ALMS1: variants seen among roughly 807,000 people sequenced by gnomAD.
The protein encoded by ALMS1 is ALMS1 centrosome and basal body associated protein, also known as centrosome-associated protein ALMS1.
ALMS1 carries 271 observed loss-of-function variants against 352.2 expected under a neutral mutation model. The ratio of observed to expected loss-of-function variants is 0.77; its 90% CI spans 0.70 to 0.85. The LOEUF (loss-of-function observed/expected upper bound fraction) is 0.85. ALMS1 is among the 40% of genes least tolerant of loss of function. ALMS1 has a pLI of 0.00. For synonymous variants in ALMS1, 1,865 were observed against 1,761.2 expected (o/e 1.06, Z -1.48); for missense variants, 5,445 against 4,870.7 (o/e 1.12, Z -3.51).
In ALMS1 at chr2:73,572,361, A is replaced by G. The variant is rs747283626; in HGVS notation, c.10484A>G (p.Asp3495Gly). ...CCCGTACACCTACCAAGTGATCAAG[A>G]TATTTGCCATGAATCTTTGGGAAAG... ...HHPVHLPSDQ[D>G]ICHESLGKSV... The change falls in exon 16 of 23, where the codon GAT becomes GGT. Residue 3495 changes from aspartate to glycine, a missense_variant. Coordinates refer to ENST00000613296, the MANE Select transcript of ALMS1 (RefSeq NM_001378454.1). The G allele has an allele frequency of 1.2e-6, 2 of 1,609,192 alleles. No homozygotes were observed. The highest frequency in any genetic ancestry group is 3.4e-5 in the Admixed American group (2 of 59,352).
chr2:73,400,551 G>A (rs144736016), intron 1 of ALMS1, among the ~76,000 whole-genome samples: 21 of 152,314 alleles, frequency 1.4e-4, no homozygotes, highest in Admixed American at 1.4e-3. Context: ...AGCATTACCA[G>A]TGAACCTGTC....
intron 7 of ALMS1, among the ~76,000 whole-genome samples, chr2:73,445,150 C>T (rs1430909033): frequency 1.3e-5 from 2 of 151,920 alleles, no homozygotes; most frequent in African/African-American, 2.4e-5. Context: ...TTATGGGGTA[C>T]ATGAGATATT....
intron 12 of ALMS1, among the ~76,000 whole-genome samples, chr2:73,547,636 G>A (rs576348525): frequency 3.3e-5 from 5 of 152,246 alleles, no homozygotes; most frequent in Non-Finnish European, 7.4e-5. Context: ...AGATAGGTGG[G>A]TTCAAGATCA....
chr2:73,460,422 A>G (rs1036479718), intron 9 of ALMS1, among the ~76,000 whole-genome samples: 1 of 152,212 alleles, frequency 6.6e-6, no homozygotes, highest in Non-Finnish European at 1.5e-5. Flanking sequence ...ATTTTAGACA[A>G]AAACAGTTCA....
chr2:73,458,033 C>CCAAAAAA, intron 9 of ALMS1: 1 of 75,294 alleles, frequency 1.3e-5, no homozygotes, highest in East Asian at 4.3e-4. Flanking sequence ...GACTTTGTCT[C>CCAAAAAA]AAAAAAAAAA....
intron 10 of ALMS1, among the ~76,000 whole-genome samples, chr2:73,496,134 C>A (rs756730448): frequency 2.0e-5 from 3 of 152,140 alleles, no homozygotes; most frequent in Non-Finnish European, 4.4e-5. Flanking sequence ...TGAAAATTTC[C>A]GTACTTATAA....
intron 7 of ALMS1, among the ~76,000 whole-genome samples, chr2:73,435,566 T>C (rs193143833): frequency 1.8e-4 from 27 of 152,076 alleles, no homozygotes; most frequent in Non-Finnish European, 2.9e-4. Flanking sequence ...ATTATTGTTA[T>C]ACATACTACT....
chr2:73,515,189 C>G (rs1450504077), intron 10 of ALMS1, among the ~76,000 whole-genome samples: 1 of 152,068 alleles, frequency 6.6e-6, no homozygotes, highest in Non-Finnish European at 1.5e-5. Context: ...TACACAGTGT[C>G]TATTTGCTTC....
chr2:73,515,685 A>G lies in ALMS1; in HGVS notation c.9540-4090A>G, dbSNP rs192499188. ...GAATAAACAAGATTGACAGACCACT[A>G]ACTAAATTGTTAAAGAAAAAAGAAG... On this transcript the variant is annotated intron_variant, in intron 10 of 22. Coordinates refer to ENST00000613296, the MANE Select transcript of ALMS1 (RefSeq NM_001378454.1). Among the ~76,000 whole-genome samples, 32 of 152,080 alleles carry G rather than the reference A, an allele frequency of 2.1e-4. No individual in the cohort carries two copies. The East Asian group carries it at 2.3e-3, about 11-fold the overall frequency.
intron 15 of ALMS1, among the ~76,000 whole-genome samples, chr2:73,561,082 G>A (rs377535988): frequency 6.6e-6 from 1 of 152,248 alleles, no homozygotes; most frequent in Admixed American, 6.5e-5. Context: ...AATTGTAACA[G>A]GTTCATAACT....
At chr2:73,607,223 C>T (rs1163262180) in intron 21 of ALMS1, among the ~76,000 whole-genome samples, 2 of 152,126 alleles carry the variant, frequency 1.3e-5, no homozygotes, top group African/African-American at 4.8e-5. Context: ...TTTTATTCAA[C>T]ATTATGTTGT....
chr2:73,529,377 G>T (rs543875143), intron 11 of ALMS1, among the ~76,000 whole-genome samples: 3 of 152,228 alleles, frequency 2.0e-5, no homozygotes, highest in South Asian at 4.1e-4. Context: ...TGTCTGAAAG[G>T]TTCCACATCT....
At chr2:73,542,601 A>G (rs1243422502) in intron 12 of ALMS1, among the ~76,000 whole-genome samples, 3 of 152,214 alleles carry the variant, frequency 2.0e-5, no homozygotes, top group Non-Finnish European at 4.4e-5. Context: ...ACATGATTGT[A>G]TATCTAGAAA....
At chr2:73,467,452 G>A (rs1672379686) in intron 9 of ALMS1, among the ~76,000 whole-genome samples, 1 of 152,002 alleles carries the variant, frequency 6.6e-6, no homozygotes, top group South Asian at 2.1e-4. Context: ...AAAGAACAAT[G>A]CTAAATATTG....
intron 9 of ALMS1, among the ~76,000 whole-genome samples, chr2:73,466,636 TATAATA>T (rs989280214): frequency 4.6e-5 from 7 of 151,890 alleles, no homozygotes; most frequent in Non-Finnish European, 7.4e-5. Flanking sequence ...AAACTTAAAG[TATAATA>T]ATAATAAAAT....
In ALMS1 at chr2:73,449,198, C is replaced by T. The variant is rs369525518; in HGVS notation, c.2671C>T (p.Pro891Ser). 1 of 1,614,038 alleles carries T rather than the reference C, an allele frequency of 6.2e-7. No homozygotes were observed. The highest frequency in any genetic ancestry group is 8.5e-7 in the Non-Finnish European group (1 of 1,179,988). Residue 891 changes from proline (P) to serine (S), a missense_variant, in exon 8 of 23, where the codon CCT becomes TCT. Physicochemically the swap from Pro to Ser is moderately conservative, Grantham distance 74. Coordinates refer to ENST00000613296, the MANE Select transcript of ALMS1 (RefSeq NM_001378454.1). ...TEEALKVSIV[P>S]GPGDQKTGIP... ...AGAGGCTCTGAAAGTATCAATTGTT[C>T]CTGGACCAGGTGATCAGAAGACTGG...
intron 1 of ALMS1, among the ~76,000 whole-genome samples, chr2:73,394,756 G>A (rs1006607927): frequency 5.9e-5 from 9 of 152,126 alleles, no homozygotes; most frequent in African/African-American, 1.7e-4. Context: ...TCATTGTTGT[G>A]CAAACATCAT....
intron 16 of ALMS1, among the ~76,000 whole-genome samples, chr2:73,592,160 G>T (rs1040872901): frequency 1.1e-4 from 17 of 152,072 alleles, no homozygotes; most frequent in Admixed American, 3.3e-4. Context: ...AATTTTTCAA[G>T]AACCTGTTAT....
chr2:73,464,127 G>A (rs534484257), intron 9 of ALMS1, among the ~76,000 whole-genome samples: 28 of 152,192 alleles, frequency 1.8e-4, no homozygotes, highest in East Asian at 9.6e-4. Flanking sequence ...CCAAAGCCAG[G>A]CAGAGACACA....
Sources: gnomAD v4.1 joint callset for allele counts (sites outside exome capture counted in the v4.1 genomes callset) on GRCh38, gnomAD v4.1.1 for gene constraint, MANE v1.5 for transcripts, NCBI Gene and HGNC (gene_info 2026-07-23, HGNC 2026-07-21) for gene names.